Variants in CFAP61 observed in about 807,000 individuals in gnomAD.
The protein encoded by CFAP61 is cilia- and flagella-associated protein 61.
Under a neutral mutation model 135.6 loss-of-function variants are expected in CFAP61, and 107 were observed. The observed-to-expected ratio is 0.79, with a 90% CI of 0.67 to 0.93. The LOEUF (loss-of-function observed/expected upper bound fraction) is 0.93, where lower values mean the gene tolerates loss of function less well. CFAP61 is among the 40% of genes least tolerant of loss of function. The pLI is 0.00. For missense variants in CFAP61, 1,507 were observed against 1,556.2 expected, an observed-to-expected ratio of 0.97 and a Z score of 0.53; for synonymous variants, 575 against 578.5, an observed-to-expected ratio of 0.99 and a Z score of 0.09.
At chr20:20,336,353 A>C (rs2058191870) in intron 25 of CFAP61, among the ~76,000 whole-genome samples, 1 of 152,144 alleles carries the variant, frequency 6.6e-6, no homozygotes, top group Admixed American at 6.5e-5. Flanking sequence ...TGTAAAGAAA[A>C]TTTTGGGCCA....
At chr20:20,080,862 C>T (rs976217015) in intron 6 of CFAP61, among the ~76,000 whole-genome samples, 17 of 152,000 alleles carry the variant, frequency 1.1e-4, no homozygotes, top group Middle Eastern at 3.4e-3. Flanking sequence ...ATTAACTGGG[C>T]GTGGTGGCAT....
intron 25 of CFAP61, among the ~76,000 whole-genome samples, chr20:20,331,465 T>G (rs1185759067): frequency 6.7e-6 from 1 of 148,566 alleles, no homozygotes; most frequent in African/African-American, 2.5e-5. Flanking sequence ...TAGAAAAGCC[T>G]ATTTGCTGAA....
At chr20:20,233,493 G>T (rs1333697575) in intron 18 of CFAP61, among the ~76,000 whole-genome samples, 1 of 152,172 alleles carries the variant, frequency 6.6e-6, no homozygotes. Context: ...CCACAGGGGG[G>T]CATATGGGAG....
At chr20:20,270,961 C>T (rs115504401) in intron 21 of CFAP61, among the ~76,000 whole-genome samples, 4 of 152,168 alleles carry the variant, frequency 2.6e-5, no homozygotes, top group African/African-American at 4.8e-5. Context: ...CGTGAGCCAC[C>T]GCACCCAGCC....
chr20:20,255,304 G>C (rs2051446019), intron 20 of CFAP61, among the ~76,000 whole-genome samples: 1 of 152,164 alleles, frequency 6.6e-6, no homozygotes, highest in Non-Finnish European at 1.5e-5. Flanking sequence ...CCCAGGCCTG[G>C]ATTTGAGGAA....
intron 22 of CFAP61, among the ~76,000 whole-genome samples, chr20:20,285,635 A>T (rs573951305): frequency 6.6e-6 from 1 of 152,270 alleles, no homozygotes; most frequent in East Asian, 1.9e-4. Context: ...CTCTAAATTG[A>T]GGCCAGACAC....
In CFAP61 at chr20:20,313,533, G is replaced by A. The variant is rs374182829; in HGVS notation, c.3422+15147G>A. ...CCCATGGTACCCACTGGACACGTCT[G>A]TGTAGCAGTGATGGGAATGGCATCC... On this transcript the variant is annotated intron_variant, in intron 25 of 26. Coordinates refer to ENST00000245957, the MANE Select transcript of CFAP61 (RefSeq NM_015585.4). Among the ~76,000 whole-genome samples the A allele has an allele frequency of 9.2e-5, 14 of 152,318 alleles. No individual in the cohort carries two copies. The East Asian group carries it at 2.5e-3, about 27-fold the overall frequency.
intron 8 of CFAP61, among the ~76,000 whole-genome samples, chr20:20,111,999 A>G (rs761574569): frequency 1.3e-5 from 2 of 152,194 alleles, no homozygotes; most frequent in Non-Finnish European, 2.9e-5. Context: ...AGTACTTGGC[A>G]TATTCCTTTT....
intron 3 of CFAP61, among the ~76,000 whole-genome samples, chr20:20,071,374 A>T (rs2045697072): frequency 6.6e-6 from 1 of 152,172 alleles, no homozygotes; most frequent in Non-Finnish European, 1.5e-5. Context: ...TGCCCTTGTA[A>T]TCATGACAGC....
At chr20:20,196,511 A>G in intron 15 of CFAP61, 59 bp from the exon 16 acceptor site, 1 of 1,281,234 alleles carries the variant, frequency 7.8e-7, no homozygotes, top group Non-Finnish European at 1.1e-6. Flanking sequence ...ATTTATCACA[A>G]AATGCATGCC....
chr20:20,123,944 T>C (rs1306825475), intron 8 of CFAP61, among the ~76,000 whole-genome samples: 1 of 149,692 alleles, frequency 6.7e-6, no homozygotes, highest in Non-Finnish European at 1.5e-5. Context: ...AGAGGCCTTT[T>C]GCCTTCTTGG....
chr20:20,072,231 C>T (rs1340679847), intron 3 of CFAP61, among the ~76,000 whole-genome samples: 1 of 149,718 alleles, frequency 6.7e-6, no homozygotes, highest in Non-Finnish European at 1.5e-5. Flanking sequence ...TCTCCTGCCT[C>T]AGCCTCCCAA....
intron 25 of CFAP61, among the ~76,000 whole-genome samples, chr20:20,311,648 G>C (rs1363905369): frequency 2.6e-5 from 4 of 152,068 alleles, no homozygotes; most frequent in Non-Finnish European, 1.5e-5. Flanking sequence ...GGAGACCAAG[G>C]CAGGTGGAGT....
chr20:20,350,407 T>A (rs1025741398), intron 26 of CFAP61, among the ~76,000 whole-genome samples: 2 of 152,194 alleles, frequency 1.3e-5, no homozygotes, highest in Admixed American at 6.5e-5. Flanking sequence ...GGTGGGCAGA[T>A]CATCTGAGGT....
intron 17 of CFAP61, among the ~76,000 whole-genome samples, chr20:20,227,450 T>A (rs1299209953): frequency 1.3e-5 from 2 of 152,194 alleles, no homozygotes; most frequent in African/African-American, 4.8e-5. Context: ...AGAACCAAGA[T>A]CTTTTGGCAC....
intron 18 of CFAP61, among the ~76,000 whole-genome samples, chr20:20,232,593 T>G (rs2049231657): frequency 1.3e-5 from 2 of 152,190 alleles, no homozygotes; most frequent in South Asian, 4.1e-4. Context: ...GCATCTTGAC[T>G]GTCTCCTGGG....
intron 7 of CFAP61, among the ~76,000 whole-genome samples, chr20:20,092,738 C>T (rs990373136): frequency 6.6e-6 from 1 of 152,062 alleles, no homozygotes; most frequent in Non-Finnish European, 1.5e-5. Context: ...CATGAAAAGA[C>T]ATTCAACATC....
At chr20:20,054,400 T>C (rs6081850) in intron 1 of CFAP61, among the ~76,000 whole-genome samples, 21,487 of 147,282 alleles carry the variant, frequency 0.15, 1,665 homozygotes, top group East Asian at 0.22. Context: ...GCTAGGGATA[T>C]ATATATATAT....
rs1033457300 is a variant in CFAP61 at position 20,359,989 on chromosome 20, G to A, written c.3514-221G>A. On this transcript the variant is annotated intron_variant, in intron 26 of 26. Coordinates refer to ENST00000245957, the MANE Select transcript of CFAP61 (RefSeq NM_015585.4). This position sits in a 1 kb window ranked among gnomAD's most constrained non-coding sequence, Gnocchi z 4.0. ...ACAGTGGTGAGGGTTACACAGCAAT[G>A]TGAATGTACTTCATGCCACTGAACT... 5.3e-5 allele frequency among the ~76,000 whole-genome samples: 8 copies of A among 152,196 alleles called. No homozygotes were observed. The highest frequency in any genetic ancestry group is 1.2e-4 in the Non-Finnish European group (8 of 68,048).
Sources: allele counts gnomAD v4.1 joint callset (sites outside exome capture counted in the v4.1 genomes callset), GRCh38; gene constraint gnomAD v4.1.1; non-coding constraint Gnocchi (gnomAD v3.1); transcripts MANE v1.5; gene names NCBI Gene and HGNC (gene_info 2026-07-23, HGNC 2026-07-21).